LINGO2: variants seen among roughly 807,000 people sequenced by gnomAD.
LINGO2 encodes leucine-rich repeat and immunoglobulin-like domain-containing nogo receptor-interacting protein 2.
In LINGO2, 14 loss-of-function variants were observed where a neutral mutation model predicts 30.6. That is an observed-to-expected ratio of 0.46 (90% confidence interval 0.30 to 0.72). The LOEUF is 0.72. Ranked by LOEUF, LINGO2 falls within the 30% of genes least tolerant of loss-of-function variation. The pLI is 0.07. For synonymous variants in LINGO2, 317 were observed against 288.5 expected, an observed-to-expected ratio of 1.10 and a Z score of -1.00; for missense variants, 729 against 751.7, an observed-to-expected ratio of 0.97 and a Z score of 0.35.
chr9:29,000,910 T>G, the LINGO2 span, among the ~76,000 whole-genome samples: 6 of 152,012 alleles, frequency 3.9e-5, no homozygotes, highest in Non-Finnish European at 7.4e-5. Context: ...AACTGTAAGT[T>G]ATACTTTGAA....
At chr9:28,784,064 T>C in the LINGO2 span, among the ~76,000 whole-genome samples, 3 of 152,190 alleles carry the variant, frequency 2.0e-5, no homozygotes, top group African/African-American at 7.2e-5. Flanking sequence ...TTCATCCTAT[T>C]AGTTTTGGAG....
At chr9:28,807,214 G>A in the LINGO2 span, among the ~76,000 whole-genome samples, 14 of 151,820 alleles carry the variant, frequency 9.2e-5, no homozygotes, top group Admixed American at 2.0e-4. Context: ...TAGTAGAGAC[G>A]GGGTTTCACT....
intron 3 of LINGO2, among the ~76,000 whole-genome samples, chr9:28,366,381 A>G (rs964134025): frequency 6.6e-6 from 1 of 152,210 alleles, no homozygotes; most frequent in Non-Finnish European, 1.5e-5. Context: ...CTGGATAGCC[A>G]TGTTTTACAA....
At chr9:28,784,353 G>A in the LINGO2 span, among the ~76,000 whole-genome samples, 7 of 152,148 alleles carry the variant, frequency 4.6e-5, no homozygotes, top group Non-Finnish European at 8.8e-5. Context: ...AGAAGCTCTG[G>A]TATAATGGAA....
chr9:28,677,734 A>C, the LINGO2 span, among the ~76,000 whole-genome samples: 1 of 152,140 alleles, frequency 6.6e-6, no homozygotes, highest in Non-Finnish European at 1.5e-5. Flanking sequence ...AAACTGCTCT[A>C]ATGAAAAAAT....
intron 5 of LINGO2, among the ~76,000 whole-genome samples, chr9:28,000,766 T>TA: frequency 6.6e-6 from 1 of 152,160 alleles, no homozygotes; most frequent in South Asian, 2.1e-4. Context: ...AAAGTACACA[T>TA]AAAAAAACTG....
At chr9:27,959,391 A>G (rs1819729885) in intron 5 of LINGO2, among the ~76,000 whole-genome samples, 1 of 152,152 alleles carries the variant, frequency 6.6e-6, no homozygotes, top group Admixed American at 6.6e-5. Context: ...CTTAAGGTAT[A>G]AAAACTATAA....
chr9:28,495,244 T>G (rs1304134800), intron 1 of LINGO2, among the ~76,000 whole-genome samples: 8 of 152,112 alleles, frequency 5.3e-5, no homozygotes, highest in African/African-American at 9.7e-5. Context: ...GTCAATTTTG[T>G]CTTTTGTTGC....
At chr9:28,375,095 C>A (rs1006113321) in intron 2 of LINGO2, among the ~76,000 whole-genome samples, 8 of 25,256 alleles carry the variant, frequency 3.2e-4, no homozygotes, top group African/African-American at 5.5e-4. Context: ...CCTTAACACA[C>A]ACACACACAC....
At chr9:28,483,340 C>G (rs1163840155) in intron 1 of LINGO2, among the ~76,000 whole-genome samples, 1 of 151,872 alleles carries the variant, frequency 6.6e-6, no homozygotes, top group African/African-American at 2.4e-5. Flanking sequence ...TAAATGAGTT[C>G]CAGTATAAAT....
intron 1 of LINGO2, among the ~76,000 whole-genome samples, chr9:28,632,909 G>C (rs1827068453): frequency 7.1e-6 from 1 of 140,398 alleles, no homozygotes; most frequent in South Asian, 2.2e-4. Context: ...GAGAGAGAGA[G>C]AGAGGAGTTG....
the LINGO2 span, among the ~76,000 whole-genome samples, chr9:29,005,760 G>T: frequency 6.6e-6 from 1 of 151,876 alleles, no homozygotes; most frequent in South Asian, 2.1e-4. Context: ...CTGCATTTTT[G>T]AACCACATTT....
At chr9:29,033,410 T>C in the LINGO2 span, among the ~76,000 whole-genome samples, 1 of 132,974 alleles carries the variant, frequency 7.5e-6, no homozygotes, top group Admixed American at 7.9e-5. Context: ...CTCTTCTATA[T>C]AAAACTGCTG....
intron 4 of LINGO2, among the ~76,000 whole-genome samples, chr9:28,186,280 GCGCTGATTC>G (rs1274358545): frequency 8.5e-5 from 13 of 152,254 alleles, no homozygotes; most frequent in African/African-American, 3.1e-4. Flanking sequence ...TTCTAAAGAG[GCGCTGATTC>G]TATTCAATGA....
chr9:28,046,894 CA>C (rs1824445944), intron 4 of LINGO2, among the ~76,000 whole-genome samples: 1 of 152,030 alleles, frequency 6.6e-6, no homozygotes, highest in Non-Finnish European at 1.5e-5. Context: ...TGCTGGATTT[CA>C]CTACTTTAAA....
chr9:29,085,304 AAAAAAAAG>A, the LINGO2 span, among the ~76,000 whole-genome samples: 1 of 127,008 alleles, frequency 7.9e-6, no homozygotes, highest in African/African-American at 2.9e-5. Flanking sequence ...AAAAAAAAAA[AAAAAAAAG>A]AATAAATTAA....
At chr9:28,187,210 G>A (rs1365924239) in intron 4 of LINGO2, among the ~76,000 whole-genome samples, 5 of 152,116 alleles carry the variant, frequency 3.3e-5, no homozygotes, top group African/African-American at 7.2e-5. Flanking sequence ...ATTCACTAAG[G>A]CCAGGCGCAG....
the LINGO2 span, among the ~76,000 whole-genome samples, chr9:28,953,711 AAG>A: frequency 1.9e-4 from 29 of 152,094 alleles, no homozygotes; most frequent in Non-Finnish European, 2.6e-4. Flanking sequence ...GGAGAAAAGA[AAG>A]AGATTTTTAC....
intron 4 of LINGO2, among the ~76,000 whole-genome samples, chr9:28,142,688 T>C (rs976258115): frequency 6.6e-6 from 1 of 152,226 alleles, no homozygotes; most frequent in East Asian, 1.9e-4. Context: ...ATTCCTTTAT[T>C]GTGGGGATTT....
Sources: gnomAD v4.1 joint callset for allele counts (sites outside exome capture counted in the v4.1 genomes callset) on GRCh38, gnomAD v4.1.1 for gene constraint, MANE v1.5 for transcripts, NCBI Gene and HGNC (gene_info 2026-07-23, HGNC 2026-07-21) for gene names.